ZNF496: variants seen among roughly 807,000 people sequenced by gnomAD.
The protein encoded by ZNF496 is NSD1 (nuclear receptor binding SET-domain containing 1)-interacting zinc finger protein 1.
Under a neutral mutation model 58.9 loss-of-function variants are expected in ZNF496, and 11 were observed. That is an observed-to-expected ratio of 0.19 (90% CI 0.12 to 0.31). The LOEUF (loss-of-function observed/expected upper bound fraction) is 0.31, where lower values mean the gene tolerates loss of function less well. ZNF496 is among the 10% of genes least tolerant of loss of function. The probability of loss-of-function intolerance (pLI) is 1.00; values close to 1 mark genes in which losing one functional copy is unlikely to be tolerated. For synonymous variants in ZNF496, 338 were observed against 318.2 expected, an observed-to-expected ratio of 1.06 and a Z score of -0.66; for missense variants, 660 against 783.0, an observed-to-expected ratio of 0.84 and a Z score of 1.88.
chr1:247,328,673 G>T lies in ZNF496; in HGVS notation c.574+10C>A, dbSNP rs749026245. Reference sequence around the variant, plus strand: ...AGATCACCCCTGCTACACTCCCCTGGGCTGCATACCTGGGTCCCCGCTGAG... The same window carrying T: ...AGATCACCCCTGCTACACTCCCCTGTGCTGCATACCTGGGTCCCCGCTGAG... On this transcript the variant is annotated intron_variant, in intron 5 of 9. Transcript: ENST00000682384. 1.9e-6 allele frequency: 3 copies of T among 1,570,016 alleles called. No homozygotes were observed. The Admixed American group carries it at 5.5e-5, about 29-fold the overall frequency.
In ZNF496 at chr1:247,308,390, C is replaced by G. The variant is rs1385430447; in HGVS notation, c.1006+85G>C. On this transcript the variant is annotated intron_variant, in intron 9 of 9. Transcript: ENST00000682384. This position sits in a 1 kb window ranked among gnomAD's most constrained non-coding sequence, Gnocchi z 4.5. ...ACACATGCATTCAACACAACCATCCCCTATGCCACACATGCATACATACAT... is the reference window on the plus strand; with the variant it reads ...ACACATGCATTCAACACAACCATCCGCTATGCCACACATGCATACATACAT... 2 of 1,233,286 alleles carry G rather than the reference C, an allele frequency of 1.6e-6. No individual in the cohort carries two copies. Among genetic ancestry groups the G allele is most frequent in the Non-Finnish European group, 2.4e-6 (2 of 840,670 alleles). 76.4% of individuals were successfully genotyped at this position (1,233,286 alleles called of 1,614,324 possible).
rs1449201006 is a variant in ZNF496 at position 247,329,127 on chromosome 1, G to A, written c.390+62C>T. ...TCATTCCCCAGCCAGCACATGCATG[G>A]CCCAGCCAAAGTGTCTAAGTACCAG... On this transcript the variant is annotated intron_variant, in intron 4 of 9. Transcript: ENST00000682384. This position sits in a 1 kb window ranked among gnomAD's most constrained non-coding sequence, Gnocchi z 5.5. 1 of 1,608,964 alleles carries A rather than the reference G, an allele frequency of 6.2e-7. No homozygotes were observed. Among genetic ancestry groups the A allele is most frequent in the Non-Finnish European group, 8.5e-7 (1 of 1,177,286 alleles).
At chr1:247,306,676 A>C (rs529714701) in intron 9 of ZNF496, among the ~76,000 whole-genome samples, 66 of 131,972 alleles carry the variant, frequency 5.0e-4, no homozygotes, top group African/African-American at 1.8e-3. Flanking sequence ...TAATTTTTGT[A>C]TTTTTAGTAG....
chr1:247,320,784 G>A (rs1296945330), intron 6 of ZNF496, among the ~76,000 whole-genome samples: 1 of 152,154 alleles, frequency 6.6e-6, no homozygotes, highest in Non-Finnish European at 1.5e-5. Flanking sequence ...ATTCACAAAA[G>A]CCAAAATGTG....
intron 9 of ZNF496, among the ~76,000 whole-genome samples, chr1:247,306,395 G>A (rs777799714): frequency 3.3e-5 from 5 of 151,830 alleles, no homozygotes; most frequent in South Asian, 2.1e-4. Context: ...ATGGGGTTTC[G>A]CCATATTGGC....
intron 5 of ZNF496, among the ~76,000 whole-genome samples, chr1:247,326,711 C>A (rs1315724917): frequency 1.3e-5 from 2 of 152,106 alleles, no homozygotes; most frequent in Non-Finnish European, 2.9e-5. Flanking sequence ...CAGAATGCGA[C>A]TGAGTATTTG....
chr1:247,312,743 AAAAAAAG>A lies in ZNF496; in HGVS notation c.652-2294_652-2288del, dbSNP rs1411140830. The A allele has an allele frequency of 2.2e-4, 34 of 152,232 alleles. No homozygotes were observed. The East Asian group carries it at 6.6e-3, about 29-fold the overall frequency. 9.4% of individuals were successfully genotyped at this position (152,232 alleles called of 1,614,324 possible). A position where few individuals can be genotyped will look rare whatever the true frequency, so the allele number is the denominator to read the frequency against. On this transcript the variant is annotated intron_variant, in intron 6 of 9. Transcript: ENST00000682384. Reference sequence around the variant, plus strand: ...AGCAGGACTCCATCTCAAAAAAAAAAAAAAAAGAAAAAGAAAAAGAAAAAATTGTCTG... The same window carrying A: ...AGCAGGACTCCATCTCAAAAAAAAAAAAAAAGAAAAAGAAAAAATTGTCTG...
At chr1:247,323,640 T>C (rs1187421928) in intron 5 of ZNF496, among the ~76,000 whole-genome samples, 1 of 152,058 alleles carries the variant, frequency 6.6e-6, no homozygotes, top group Non-Finnish European at 1.5e-5. Flanking sequence ...AGTTCAGCCG[T>C]GTGTGGTGGT....
chr1:247,324,692 A>G lies in ZNF496; in HGVS notation c.575-1462T>C, dbSNP rs561437036. Among the ~76,000 whole-genome samples the G allele has an allele frequency of 9.2e-5, 14 of 152,320 alleles. No homozygotes were observed. In the South Asian group the frequency reaches 2.7e-3, roughly 29 times the overall value. ...GGTTTAATCATTTCACAATGTGTAT[A>G]GATATCAAAACATTACACTGTACAC... On this transcript the variant is annotated intron_variant, in intron 5 of 9. Coordinates refer to ENST00000682384, the MANE Select transcript of ZNF496 (RefSeq NM_032752.3).
chr1:247,330,998 C>T (rs1019219214), intron 2 of ZNF496, among the ~76,000 whole-genome samples: 2 of 152,254 alleles, frequency 1.3e-5, no homozygotes, highest in African/African-American at 2.4e-5. Context: ...CACCGGATCG[C>T]TTCCAGGGCG....
Position 247,300,421 on chromosome 1 carries a change from T to C in ZNF496, c.*98A>G. 7.3e-7 allele frequency: 1 copy of C among 1,361,476 alleles called. No individual in the cohort carries two copies. Among genetic ancestry groups the C allele is most frequent in the Non-Finnish European group, 9.8e-7 (1 of 1,016,130 alleles). 84.3% of individuals were successfully genotyped at this position (1,361,476 alleles called of 1,614,324 possible). A position where few individuals can be genotyped will look rare whatever the true frequency, so the allele number is the denominator to read the frequency against. On this transcript the variant is annotated 3_prime_UTR_variant, in exon 10 of 10. Coordinates refer to ENST00000682384, the MANE Select transcript of ZNF496 (RefSeq NM_032752.3). This position sits in a 1 kb window ranked among gnomAD's most constrained non-coding sequence, Gnocchi z 5.7. ...GCAAGGACAGGAGGGAGGTGTGCTC[T>C]CTATCCTGGGGAAGGTATGTCCTGG...
Position 247,300,839 on chromosome 1 carries a change from G to C in ZNF496, c.1444C>G (p.Arg482Gly), listed in dbSNP as rs1283821328. Residue 482 changes from arginine to glycine, a missense_variant, in exon 10 of 10, where the codon CGG becomes GGG. Physicochemically the swap from Arg to Gly is moderately radical, Grantham distance 125. Coordinates refer to ENST00000682384, the MANE Select transcript of ZNF496 (RefSeq NM_032752.3). This position sits in a 1 kb window ranked among gnomAD's most constrained non-coding sequence, Gnocchi z 5.7. ...FRLNSHLLSH[R>G]RIHLQPDRLQ... is the part of the protein sequence containing the mutation. ...CTGTCCGGCTGCAGGTGTATCCGCC[G>C]GTGGGAGAGCAGGTGGGAGTTCAGG... 3.7e-6 allele frequency: 6 copies of C among 1,610,158 alleles called. No homozygotes were observed. The East Asian group carries it at 1.1e-4, about 30-fold the overall frequency.
chr1:247,309,816 GA>G lies in ZNF496; in HGVS notation c.785-11del, dbSNP rs1295962109. On this transcript the variant is annotated splice_polypyrimidine_tract_variant and intron_variant, in intron 7 of 9. Coordinates refer to ENST00000682384, the MANE Select transcript of ZNF496 (RefSeq NM_032752.3). The surrounding 1 kb of genome is among the most constrained non-coding windows in gnomAD (Gnocchi z 4.3). Reference sequence around the variant, plus strand: ...TGGGCAGCTAGGTCGTCTGTTCAAAGAAAAAGGCAGGGTACATGTTTATTAG... The same window carrying G: ...TGGGCAGCTAGGTCGTCTGTTCAAAGAAAAGGCAGGGTACATGTTTATTAG... The G allele has an allele frequency of 1.1e-5, 18 of 1,613,156 alleles. No individual in the cohort carries two copies. The highest frequency in any genetic ancestry group is 1.5e-5 in the Non-Finnish European group (18 of 1,179,702).
At chr1:247,316,250 G>A (rs1414696967) in intron 6 of ZNF496, among the ~76,000 whole-genome samples, 1 of 144,914 alleles carries the variant, frequency 6.9e-6, no homozygotes, top group Non-Finnish European at 1.5e-5. Context: ...CGCGCGCAGT[G>A]GGGGTCCCGA....
chr1:247,300,861 C>G lies in ZNF496; in HGVS notation c.1422G>C (p.Leu474=). ...RCGACGKSFR[L]NSHLLSHRRI... ...GCCGGTGGGAGAGCAGGTGGGAGTT[C>G]AGGCGGAAGCTCTTCCCGCAGGCAC... Residue 474 remains leucine, a synonymous_variant, in exon 10 of 10, where the codon CTG becomes CTC. Coordinates refer to ENST00000682384, the MANE Select transcript of ZNF496 (RefSeq NM_032752.3). This position sits in a 1 kb window ranked among gnomAD's most constrained non-coding sequence, Gnocchi z 5.7. 1 of 1,610,874 alleles carries G rather than the reference C, an allele frequency of 6.2e-7. No homozygotes were observed. The highest frequency in any genetic ancestry group is 8.5e-7 in the Non-Finnish European group (1 of 1,178,072).
In ZNF496 at chr1:247,314,068, T is replaced by C. The variant is rs189011939; in HGVS notation, c.652-3612A>G. 1.5e-3 allele frequency among the ~76,000 whole-genome samples: 227 copies of C among 152,244 alleles called. 3 individuals carry two copies. Among genetic ancestry groups the C allele is most frequent in the Admixed American group, 0.015 (224 of 15,300 alleles). ...TGATTTTAATTTCTATTTTTATCTT[T>C]ATATTGTTTTAGACAGGGTCTCACT... On this transcript the variant is annotated intron_variant, in intron 6 of 9. Coordinates refer to ENST00000682384, the MANE Select transcript of ZNF496 (RefSeq NM_032752.3).
At chr1:247,302,312 A>G (rs1269716106) in intron 9 of ZNF496, among the ~76,000 whole-genome samples, 1 of 152,006 alleles carries the variant, frequency 6.6e-6, no homozygotes, top group Non-Finnish European at 1.5e-5. Flanking sequence ...CACAGAGGCT[A>G]TGGAGAGCAG....
In ZNF496 at chr1:247,320,957, G is replaced by A. The variant is rs530657057; in HGVS notation, c.651+2197C>T. On this transcript the variant is annotated intron_variant, in intron 6 of 9. Transcript: ENST00000682384. The stretch of plus-strand genomic sequence containing the variant: ...TGGGAGGCCGAGGCAGGTGGATCAC[G>A]AGGTCAAGAGTTCGAGTTCAAGAGC... Among the ~76,000 whole-genome samples, 34 of 152,212 alleles carry A rather than the reference G, an allele frequency of 2.2e-4. 1 individual carries two copies. The highest frequency in any genetic ancestry group is 6.5e-4 in the Admixed American group (10 of 15,284).
rs1430418183 is a variant in ZNF496, at chr1:247,308,467, T to G, written c.1006+8A>C. On this transcript the variant is annotated splice_region_variant and intron_variant, in intron 9 of 9. Transcript: ENST00000682384. The surrounding 1 kb of genome is among the most constrained non-coding windows in gnomAD (Gnocchi z 4.5). The stretch of plus-strand genomic sequence containing the variant: ...GGACAAACCCATACCTCCCTGACCC[T>G]TCTTTACCTGGGTAGGTGTTTTGAG... 2 of 1,613,584 alleles carry G rather than the reference T, an allele frequency of 1.2e-6. No individual in the cohort carries two copies.
Sources: allele counts gnomAD v4.1 joint callset (sites outside exome capture counted in the v4.1 genomes callset), GRCh38; gene constraint gnomAD v4.1.1; non-coding constraint Gnocchi (gnomAD v3.1); transcripts MANE v1.5; gene names NCBI Gene and HGNC (gene_info 2026-07-23, HGNC 2026-07-21).